PARD3B: variants seen among roughly 807,000 people sequenced by gnomAD.
PARD3B encodes par-3 family cell polarity regulator beta.
PARD3B carries 103 observed loss-of-function variants against 130.2 expected under a neutral mutation model. The observed-to-expected ratio is 0.79, with a 90% confidence interval of 0.67 to 0.93. The LOEUF is 0.93. PARD3B is among the 40% of genes least tolerant of loss of function. PARD3B has a pLI of 0.00. For synonymous variants in PARD3B, 583 were observed against 553.2 expected (o/e 1.05, Z -0.76); for missense variants, 1,609 against 1,499.2 (o/e 1.07, Z -1.21).
chr2:204,750,435 A>G (rs2040414645), intron 2 of PARD3B, among the ~76,000 whole-genome samples: 1 of 152,174 alleles, frequency 6.6e-6, no homozygotes, highest in African/African-American at 2.4e-5. Flanking sequence ...AAATACAGAC[A>G]TTAGCTGCGC....
rs1210061001 is a variant in PARD3B, at chr2:205,287,214, A to G, written c.2186-13316A>G. Among the ~76,000 whole-genome samples the G allele has an allele frequency of 6.6e-6, 1 of 152,192 alleles. No individual in the cohort carries two copies. Among genetic ancestry groups the G allele is most frequent in the African/African-American group, 2.4e-5 (1 of 41,440 alleles). ...GGTGGTAACATGGATTGTTATGTGG[A>G]TGAGAGATTGGAGAATAGAATATGA... On this transcript the variant is annotated intron_variant, in intron 16 of 22. Transcript: ENST00000406610. This position sits in a 1 kb window ranked among gnomAD's most constrained non-coding sequence, Gnocchi z 4.8.
chr2:205,326,351 A>G (rs1323352011), intron 18 of PARD3B, among the ~76,000 whole-genome samples: 3 of 152,160 alleles, frequency 2.0e-5, no homozygotes, highest in Admixed American at 6.6e-5. Context: ...ATCTTATTCC[A>G]TTAGGGACAC....
At chr2:205,022,150 C>T (rs967543601) in intron 3 of PARD3B, among the ~76,000 whole-genome samples, 1 of 152,038 alleles carries the variant, frequency 6.6e-6, no homozygotes, top group African/African-American at 2.4e-5. Flanking sequence ...ATTATTGTGT[C>T]ACAAAAAGTA....
chr2:205,220,280 C>A (rs1043029195), intron 15 of PARD3B, among the ~76,000 whole-genome samples: 2 of 152,158 alleles, frequency 1.3e-5, no homozygotes, highest in African/African-American at 4.8e-5. Context: ...CTGGCCCCTT[C>A]CTTTCTCTTC....
At chr2:205,557,033 A>T (rs1057109935) in intron 22 of PARD3B, among the ~76,000 whole-genome samples, 2 of 152,070 alleles carry the variant, frequency 1.3e-5, no homozygotes, top group East Asian at 1.9e-4. Context: ...CCCTGGCCCC[A>T]TGGGATCCCA....
In PARD3B at chr2:205,103,758, C is replaced by T. The variant is rs960246306; in HGVS notation, c.505-668C>T. ...TGCTTTCTAGAATCCATCCTCTCCT[C>T]TGCTTCTCTGGGTAACATCCAATAC... On this transcript the variant is annotated intron_variant, in intron 4 of 22. Coordinates refer to ENST00000406610, the MANE Select transcript of PARD3B (RefSeq NM_001302769.2). The T allele has an allele frequency of 5.1e-6, 5 of 984,730 alleles. No individual in the cohort carries two copies. In the African/African-American group the frequency reaches 8.7e-5, roughly 17 times the overall value. 61.0% of individuals were successfully genotyped at this position (984,730 alleles called of 1,614,324 possible). A position where few individuals can be genotyped will look rare whatever the true frequency, so the allele number is the denominator to read the frequency against.
Position 205,187,016 on chromosome 2 carries a change from AGCTGGTAG to A in PARD3B, c.2024+1158_2024+1165del, listed in dbSNP as rs555898137. Among the ~76,000 whole-genome samples, 97 of 152,326 alleles carry A rather than the reference AGCTGGTAG, an allele frequency of 6.4e-4. No individual in the cohort carries two copies. Among genetic ancestry groups the A allele is most frequent in the Middle Eastern group, 6.8e-3 (2 of 294 alleles). ...TCAGATATAAACCCTGTCTTCAGGAAGCTGGTAGGCTGACAGGTAGGCTCATGGGACGA... is the reference window on the plus strand; with the variant it reads ...TCAGATATAAACCCTGTCTTCAGGAAGCTGACAGGTAGGCTCATGGGACGA... On this transcript the variant is annotated intron_variant, in intron 14 of 22. Coordinates refer to ENST00000406610, the MANE Select transcript of PARD3B (RefSeq NM_001302769.2). This position sits in a 1 kb window ranked among gnomAD's most constrained non-coding sequence, Gnocchi z 4.9.
At chr2:205,115,701 CTCAACCCATGTG>C (rs1703974427) in intron 6 of PARD3B, among the ~76,000 whole-genome samples, 1 of 152,128 alleles carries the variant, frequency 6.6e-6, no homozygotes, top group South Asian at 2.1e-4. Flanking sequence ...GCACGCTTAA[CTCAACCCATGTG>C]TCTAGATGCA....
chr2:205,593,996 C>T (rs1266201115), intron 22 of PARD3B, among the ~76,000 whole-genome samples: 1 of 152,108 alleles, frequency 6.6e-6, no homozygotes, highest in African/African-American at 2.4e-5. Context: ...ATGGAGAAAC[C>T]AATGCACAGA....
rs1280028795 is a variant in PARD3B at position 205,421,049 on chromosome 2, G to A, written c.2742-19321G>A. On this transcript the variant is annotated intron_variant, in intron 19 of 22. Transcript: ENST00000406610. The surrounding 1 kb of genome is among the most constrained non-coding windows in gnomAD (Gnocchi z 5.1). The stretch of plus-strand genomic sequence containing the variant: ...CCAGCTACTCGGGGGGCCAAGGCAG[G>A]AGAATCACTTGAACCCGGAGGGAGT... 6.6e-6 allele frequency among the ~76,000 whole-genome samples: 1 copy of A among 152,002 alleles called. No homozygotes were observed. The highest frequency in any genetic ancestry group is 1.5e-5 in the Non-Finnish European group (1 of 68,020).
chr2:204,939,797 C>T (rs1688760697), intron 2 of PARD3B, among the ~76,000 whole-genome samples: 2 of 152,086 alleles, frequency 1.3e-5, no homozygotes, highest in African/African-American at 2.4e-5. Context: ...TTTAGGGAAA[C>T]CCTACCACCT....
At chr2:205,577,583 A>G (rs994686568) in intron 22 of PARD3B, among the ~76,000 whole-genome samples, 1 of 152,238 alleles carries the variant, frequency 6.6e-6, no homozygotes, top group Non-Finnish European at 1.5e-5. Context: ...TACAGAACAA[A>G]AAATAAAAAG....
At chr2:205,474,574 G>A (rs2048962290) in intron 20 of PARD3B, among the ~76,000 whole-genome samples, 1 of 151,974 alleles carries the variant, frequency 6.6e-6, no homozygotes, top group African/African-American at 2.4e-5. Flanking sequence ...ATGGACATTT[G>A]GGATGTTTCA....
Position 205,592,578 on chromosome 2 carries a change from G to C in PARD3B, c.3261-22878G>C, listed in dbSNP as rs775609557. On this transcript the variant is annotated intron_variant, in intron 22 of 22. Transcript: ENST00000406610. This position sits in a 1 kb window ranked among gnomAD's most constrained non-coding sequence, Gnocchi z 4.5. ...CAGGTGATTAAATACAATGGTTATT[G>C]ATTCCATAGAGGCAGAATGTTTCCC... 6.6e-6 allele frequency among the ~76,000 whole-genome samples: 1 copy of C among 152,170 alleles called. No homozygotes were observed. The highest frequency in any genetic ancestry group is 1.5e-5 in the Non-Finnish European group (1 of 68,036).
intron 19 of PARD3B, among the ~76,000 whole-genome samples, chr2:205,410,657 T>A (rs932751679): frequency 1.3e-5 from 2 of 152,148 alleles, no homozygotes; most frequent in Non-Finnish European, 2.9e-5. Context: ...ATACTAGTAA[T>A]CTTAATTTGC....
At chr2:204,802,953 C>T (rs905192243) in intron 2 of PARD3B, among the ~76,000 whole-genome samples, 9 of 150,568 alleles carry the variant, frequency 6.0e-5, no homozygotes, top group African/African-American at 2.0e-4. Context: ...CAAACCTGCA[C>T]GTTCTGCACA....
chr2:204,819,190 A>T (rs1261659077), intron 2 of PARD3B, among the ~76,000 whole-genome samples: 5 of 152,102 alleles, frequency 3.3e-5, no homozygotes, highest in Non-Finnish European at 5.9e-5. Flanking sequence ...TTGCAAATTG[A>T]AGGTTTGCGG....
Position 205,244,609 on chromosome 2 carries a change from A to G in PARD3B, c.2141-1169A>G, listed in dbSNP as rs1372501901. Among the ~76,000 whole-genome samples, 1 of 152,176 alleles carries G rather than the reference A, an allele frequency of 6.6e-6. No homozygotes were observed. The highest frequency in any genetic ancestry group is 2.4e-5 in the African/African-American group (1 of 41,438). On this transcript the variant is annotated intron_variant, in intron 15 of 22. Coordinates refer to ENST00000406610, the MANE Select transcript of PARD3B (RefSeq NM_001302769.2). This position sits in a 1 kb window ranked among gnomAD's most constrained non-coding sequence, Gnocchi z 4.7. The stretch of plus-strand genomic sequence containing the variant: ...CTTATTTATTTCTTAAATGTTTGGT[A>G]GAATTCACCAGTGAAGCCATCTGGG...
chr2:204,692,618 C>G (rs1380705667), intron 2 of PARD3B, among the ~76,000 whole-genome samples: 10 of 151,780 alleles, frequency 6.6e-5, no homozygotes. Flanking sequence ...AAAAACAAAT[C>G]AGGATATGAT....
Sources: gnomAD v4.1 joint callset for allele counts (sites outside exome capture counted in the v4.1 genomes callset) on GRCh38, gnomAD v4.1.1 for gene constraint, Gnocchi (gnomAD v3.1) non-coding constraint, MANE v1.5 for transcripts, NCBI Gene and HGNC (gene_info 2026-07-23, HGNC 2026-07-21) for gene names.